PID1: variants seen among roughly 807,000 people sequenced by gnomAD.
PID1 encodes the protein PTB-containing, cubilin and LRP1-interacting protein.
A neutral mutation model predicts 19.1 loss-of-function variants in PID1; 10 were observed. The ratio of observed to expected loss-of-function variants is 0.52; its 90% confidence interval spans 0.32 to 0.89. The LOEUF is 0.89. PID1 is among the 40% of genes least tolerant of loss of function. The probability of loss-of-function intolerance (pLI) is 0.03; values close to 1 mark genes in which losing one functional copy is unlikely to be tolerated. For missense variants in PID1, 248 were observed against 285.3 expected (o/e 0.87, Z 0.94); for synonymous variants, 130 against 116.0 (o/e 1.12, Z -0.78).
intron 1 of PID1, among the ~76,000 whole-genome samples, chr2:229,211,045 G>T (rs1691722862): frequency 6.6e-6 from 1 of 152,166 alleles, no homozygotes; most frequent in African/African-American, 2.4e-5. Flanking sequence ...TTACAACGAA[G>T]AAATATTTAC....
chr2:229,123,311 T>C (rs980837856), intron 2 of PID1, among the ~76,000 whole-genome samples: 1 of 152,228 alleles, frequency 6.6e-6, no homozygotes, highest in South Asian at 2.1e-4. Flanking sequence ...TCACTTAGCA[T>C]GATGTTTTCA....
chr2:229,089,675 CAT>C (rs1355899095), intron 2 of PID1, among the ~76,000 whole-genome samples: 4 of 152,282 alleles, frequency 2.6e-5, no homozygotes, highest in African/African-American at 9.6e-5. Context: ...TTAATTACCA[CAT>C]GATACACTTA....
intron 2 of PID1, among the ~76,000 whole-genome samples, chr2:229,153,514 T>G (rs1300910283): frequency 6.6e-6 from 1 of 152,234 alleles, no homozygotes; most frequent in Non-Finnish European, 1.5e-5. Context: ...CGATTTCCTT[T>G]GTCTAGCTAG....
chr2:229,085,050 G>C (rs1174751393), intron 2 of PID1, among the ~76,000 whole-genome samples: 1 of 151,870 alleles, frequency 6.6e-6, no homozygotes, highest in Non-Finnish European at 1.5e-5. Flanking sequence ...AAGAGCTGAA[G>C]ACAAGGCTTT....
At chr2:229,216,597 T>A (rs1453205972) in intron 1 of PID1, among the ~76,000 whole-genome samples, 1 of 152,080 alleles carries the variant, frequency 6.6e-6, no homozygotes, top group African/African-American at 2.4e-5. Context: ...CACATGTGAG[T>A]AATCCTCGAG....
chr2:229,181,079 C>T (rs541417064), intron 1 of PID1, among the ~76,000 whole-genome samples: 26 of 152,352 alleles, frequency 1.7e-4, no homozygotes, highest in African/African-American at 6.3e-4. Flanking sequence ...TTTTCCAAGT[C>T]TCTCGTTCCA....
At chr2:229,145,455 G>A (rs1690111049) in intron 2 of PID1, among the ~76,000 whole-genome samples, 1 of 151,488 alleles carries the variant, frequency 6.6e-6, no homozygotes, top group African/African-American at 2.4e-5. Flanking sequence ...AAAAATATGT[G>A]GAATAATTAA....
chr2:229,081,756 T>C (rs976378219), intron 2 of PID1, among the ~76,000 whole-genome samples: 1 of 152,274 alleles, frequency 6.6e-6, no homozygotes, highest in Non-Finnish European at 1.5e-5. Context: ...CCACAAAGAG[T>C]TAAATGCTGG....
chr2:229,111,516 G>T lies in PID1; in HGVS notation c.177+44302C>A, dbSNP rs568466553. ...ATATTTATTTGAAATCTGCCTTCTA[G>T]AAAACACAAAGTGATGGGGGAAAGA... On this transcript the variant is annotated intron_variant, in intron 2 of 2. Coordinates refer to ENST00000392055, the MANE Select transcript of PID1 (RefSeq NM_001100818.2). 2.0e-5 allele frequency among the ~76,000 whole-genome samples: 3 copies of T among 152,230 alleles called. No homozygotes were observed. The South Asian group carries it at 6.2e-4, about 32-fold the overall frequency.
Position 229,084,399 on chromosome 2 carries a change from G to A in PID1, c.178-58291C>T, listed in dbSNP as rs529822397. ...TTGTTCCTTATGCCAATAAGTGGCAGGAAAAGTCTTTTCTTTCTAACTGGT... is the reference window on the plus strand; with the variant it reads ...TTGTTCCTTATGCCAATAAGTGGCAAGAAAAGTCTTTTCTTTCTAACTGGT... On this transcript the variant is annotated intron_variant, in intron 2 of 2. Coordinates refer to ENST00000392055, the MANE Select transcript of PID1 (RefSeq NM_001100818.2). 8.2e-4 allele frequency among the ~76,000 whole-genome samples: 125 copies of A among 152,288 alleles called. 2 individuals are homozygous for A. In the South Asian group the frequency reaches 0.024, roughly 29 times the overall value.
In PID1 at chr2:229,104,083, A is replaced by AT. The variant is rs374470867; in HGVS notation, c.177+51734dup. 5.4e-3 allele frequency among the ~76,000 whole-genome samples: 823 copies of AT among 152,002 alleles called. 11 individuals are homozygous for AT. The highest frequency in any genetic ancestry group is 0.019 in the African/African-American group (800 of 41,470). On this transcript the variant is annotated intron_variant, in intron 2 of 2. Transcript: ENST00000392055. ...CCTTAGCTGGTTTACTTATTTGTTTATTTTTTTACAAGAGCCTGAGTTTCT... is the reference window on the plus strand; with the variant it reads ...CCTTAGCTGGTTTACTTATTTGTTTATTTTTTTTACAAGAGCCTGAGTTTCT...
At chr2:229,142,105 C>T (rs182033882) in intron 2 of PID1, among the ~76,000 whole-genome samples, 1 of 151,928 alleles carries the variant, frequency 6.6e-6, no homozygotes, top group African/African-American at 2.4e-5. Flanking sequence ...TATTTGTTAC[C>T]ATTTTCTCTA....
At chr2:229,217,894 T>C (rs1691882454) in intron 1 of PID1, among the ~76,000 whole-genome samples, 1 of 152,150 alleles carries the variant, frequency 6.6e-6, no homozygotes, top group Non-Finnish European at 1.5e-5. Flanking sequence ...CCAGTCAATT[T>C]CTAACACATA....
intron 2 of PID1, among the ~76,000 whole-genome samples, chr2:229,070,197 T>C (rs1355434834): frequency 6.6e-6 from 1 of 152,186 alleles, no homozygotes; most frequent in Non-Finnish European, 1.5e-5. Flanking sequence ...ACTGTTCCCA[T>C]AAAGTAGTTT....
At chr2:229,217,787 CT>C (rs1382013249) in intron 1 of PID1, among the ~76,000 whole-genome samples, 1 of 152,234 alleles carries the variant, frequency 6.6e-6, no homozygotes, top group East Asian at 1.9e-4. Context: ...ACCAGACAAT[CT>C]GCTTCTCATG....
chr2:229,074,357 G>A (rs895602547), intron 2 of PID1, among the ~76,000 whole-genome samples: 7 of 151,954 alleles, frequency 4.6e-5, no homozygotes, highest in Non-Finnish European at 7.4e-5. Flanking sequence ...GGATGCAGCC[G>A]CAACAATAAG....
intron 2 of PID1, among the ~76,000 whole-genome samples, chr2:229,064,266 G>A (rs1237132030): frequency 2.0e-5 from 3 of 152,090 alleles, no homozygotes; most frequent in Non-Finnish European, 4.4e-5. Flanking sequence ...ACAAAATAGA[G>A]AGCCAGGAAC....
intron 1 of PID1, among the ~76,000 whole-genome samples, chr2:229,186,321 T>C (rs901248246): frequency 1.3e-5 from 2 of 152,230 alleles, no homozygotes; most frequent in Non-Finnish European, 2.9e-5. Flanking sequence ...TCTACCATTC[T>C]GGAGTCTGGA....
chr2:229,201,402 T>C (rs1287601951), intron 1 of PID1, among the ~76,000 whole-genome samples: 1 of 152,068 alleles, frequency 6.6e-6, no homozygotes, highest in African/African-American at 2.4e-5. Flanking sequence ...CTTCTTTATT[T>C]CCCTTAGCAT....
Sources: allele counts gnomAD v4.1 joint callset (sites outside exome capture counted in the v4.1 genomes callset), GRCh38; gene constraint gnomAD v4.1.1; transcripts MANE v1.5; gene names NCBI Gene and HGNC (gene_info 2026-07-23, HGNC 2026-07-21).